PCDHGA3: variants seen among roughly 807,000 people sequenced by gnomAD.
PCDHGA3 encodes the protein protocadherin gamma-A3.
In PCDHGA3, 40 loss-of-function variants were observed where a neutral mutation model predicts 58.5. The observed-to-expected ratio is 0.68, with a 90% confidence interval of 0.53 to 0.89. PCDHGA3 has a LOEUF of 0.89. Ranked by LOEUF, PCDHGA3 falls within the 40% of genes least tolerant of loss-of-function variation. The pLI, the probability that PCDHGA3 is intolerant of heterozygous loss-of-function variation, is 0.00. For synonymous variants in PCDHGA3, 530 were observed against 525.7 expected (o/e 1.01, Z -0.11); for missense variants, 1,223 against 1,195.9 (o/e 1.02, Z -0.33).
chr5:141,376,168 G>A (rs757765992), intron 1 of PCDHGA3: 64 of 1,613,990 alleles, frequency 4.0e-5, no homozygotes, highest in East Asian at 2.2e-4. Flanking sequence ...ACCTGGTGGT[G>A]GCGGTGGCCG....
chr5:141,422,883 C>A, intron 1 of PCDHGA3: 1 of 1,614,242 alleles, frequency 6.2e-7, no homozygotes, highest in Non-Finnish European at 8.5e-7. Flanking sequence ...TGAGCCTGTT[C>A]GTGCTGGACC....
chr5:141,400,493 A>G, intron 1 of PCDHGA3: 2 of 1,614,014 alleles, frequency 1.2e-6, no homozygotes, highest in South Asian at 2.2e-5. Flanking sequence ...CCACTTTGTA[A>G]TTCCAGCGAG....
chr5:141,388,289 A>T (rs1463991755), intron 1 of PCDHGA3: 14 of 1,613,522 alleles, frequency 8.7e-6, no homozygotes, highest in Non-Finnish European at 1.2e-5. Flanking sequence ...AATTCACGCA[A>T]AATTCCTTTG....
chr5:141,392,658 C>T, intron 1 of PCDHGA3: 1 of 778,114 alleles, frequency 1.3e-6, no homozygotes, highest in Non-Finnish European at 1.9e-6. Context: ...CCGCAGATGC[C>T]ACAAACTAAC....
rs768882594 is a variant in PCDHGA3, at chr5:141,360,320, C to T, written c.2424+13863C>T. Reference sequence around the variant, plus strand: ...CTGGGGCTCAGCGTCCGGGACTTGCCAGCCCGGAAGCTGCGGGTTAGCGCG... The same window carrying T: ...CTGGGGCTCAGCGTCCGGGACTTGCTAGCCCGGAAGCTGCGGGTTAGCGCG... On this transcript the variant is annotated intron_variant, in intron 1 of 3. Transcript: ENST00000253812. The T allele has an allele frequency of 1.1e-5, 18 of 1,613,930 alleles. No individual in the cohort carries two copies. Among genetic ancestry groups the T allele is most frequent in the Admixed American group, 6.7e-5 (4 of 60,022 alleles).
Position 141,486,344 on chromosome 5 carries a change from G to C in PCDHGA3, c.2425-8463G>C. 6.2e-7 allele frequency: 1 copy of C among 1,614,062 alleles called. No homozygotes were observed. The highest frequency in any genetic ancestry group is 8.5e-7 in the Non-Finnish European group (1 of 1,180,022). On this transcript the variant is annotated intron_variant, in intron 1 of 3. Transcript: ENST00000253812. The surrounding 1 kb of genome is among the most constrained non-coding windows in gnomAD (Gnocchi z 5.0). Reference sequence around the variant, plus strand: ...CGGAGATGTGAGCCTCCGCATTCCTGACCACTTGCCATTTGCCCTCAAGTC... The same window carrying C: ...CGGAGATGTGAGCCTCCGCATTCCTCACCACTTGCCATTTGCCCTCAAGTC...
At chr5:141,356,895 C>T in intron 1 of PCDHGA3, 1 of 1,614,228 alleles carries the variant, frequency 6.2e-7, no homozygotes. Context: ...TCCTGTACCC[C>T]ACCTTCCCTA....
At chr5:141,459,710 C>T (rs2098973565) in intron 1 of PCDHGA3, among the ~76,000 whole-genome samples, 1 of 152,204 alleles carries the variant, frequency 6.6e-6, no homozygotes, top group Non-Finnish European at 1.5e-5. Flanking sequence ...CATTTTCTCA[C>T]CAATGCTTCC....
chr5:141,371,352 G>C lies in PCDHGA3; in HGVS notation c.2424+24895G>C, dbSNP rs1005607515. ...GAGAGATAGCTACACAATTGGGGTG[G>C]AAGCAAAGGATGGTGGACATCACAC... On this transcript the variant is annotated intron_variant, in intron 1 of 3. Coordinates refer to ENST00000253812, the MANE Select transcript of PCDHGA3 (RefSeq NM_018916.4). 1.9e-6 allele frequency: 3 copies of C among 1,613,840 alleles called. No individual in the cohort carries two copies. In the African/African-American group the frequency reaches 4.0e-5, roughly 22 times the overall value.
rs1421246315 is a variant in PCDHGA3 at position 141,491,880 on chromosome 5, G to A, written c.2425-2927G>A. The A allele has an allele frequency of 1.1e-5, 16 of 1,449,714 alleles. No homozygotes were observed. The highest frequency in any genetic ancestry group is 1.5e-5 in the Non-Finnish European group (16 of 1,096,892). 89.8% of individuals were successfully genotyped at this position (1,449,714 alleles called of 1,614,324 possible). A position where few individuals can be genotyped will look rare whatever the true frequency, so the allele number is the denominator to read the frequency against. ...GCGAAACCAGAGTGGCCGATTAAGGGATGGGGCTCCGAGCACCGGGGGTGG... is the reference window on the plus strand; with the variant it reads ...GCGAAACCAGAGTGGCCGATTAAGGAATGGGGCTCCGAGCACCGGGGGTGG... On this transcript the variant is annotated intron_variant, in intron 1 of 3. Coordinates refer to ENST00000253812, the MANE Select transcript of PCDHGA3 (RefSeq NM_018916.4). The surrounding 1 kb of genome is among the most constrained non-coding windows in gnomAD (Gnocchi z 6.9).
intron 1 of PCDHGA3, chr5:141,390,312 C>A: frequency 1.2e-6 from 2 of 1,612,028 alleles, no homozygotes; most frequent in South Asian, 2.2e-5. Flanking sequence ...ATTTAATGCT[C>A]ATTGCCTACC....
chr5:141,479,574 T>A (rs1291334449), intron 1 of PCDHGA3: 1 of 152,228 alleles, frequency 6.6e-6, no homozygotes, highest in South Asian at 2.1e-4. Context: ...GGATGACATC[T>A]GTGAATAGCC....
chr5:141,390,053 C>G, intron 1 of PCDHGA3: 1 of 1,614,066 alleles, frequency 6.2e-7, no homozygotes, highest in Non-Finnish European at 8.5e-7. Context: ...CCTCCTGGAG[C>G]TGCTTCCAGC....
intron 2 of PCDHGA3, among the ~76,000 whole-genome samples, chr5:141,497,614 A>C (rs1377740795): frequency 6.8e-6 from 1 of 146,530 alleles, no homozygotes; most frequent in African/African-American, 2.6e-5. Context: ...ATCTTGGCTC[A>C]CTGCAACCTC....
intron 1 of PCDHGA3, among the ~76,000 whole-genome samples, chr5:141,446,610 G>A (rs1167777615): frequency 6.6e-6 from 1 of 152,098 alleles, no homozygotes; most frequent in Non-Finnish European, 1.5e-5. Flanking sequence ...CTGAGTAGCT[G>A]GGACTACAGG....
chr5:141,370,186 G>A (rs1032273618), intron 1 of PCDHGA3: 2 of 508,450 alleles, frequency 3.9e-6, no homozygotes, highest in Non-Finnish European at 6.8e-6. Flanking sequence ...GCCGCTCTTG[G>A]CTAGTGCTGT....
chr5:141,422,809 G>A (rs1169197801), intron 1 of PCDHGA3: 8 of 1,614,232 alleles, frequency 5.0e-6, no homozygotes, highest in Non-Finnish European at 6.8e-6. Context: ...GCAGTTTCGA[G>A]ACTTAGAACT....
intron 1 of PCDHGA3, chr5:141,365,857 T>C: frequency 1.2e-6 from 2 of 1,614,066 alleles, no homozygotes; most frequent in Non-Finnish European, 1.7e-6. Context: ...CCATTAACTC[T>C]GACACCGGTG....
chr5:141,450,991 A>AT (rs1351194705), intron 1 of PCDHGA3, among the ~76,000 whole-genome samples: 1 of 150,700 alleles, frequency 6.6e-6, no homozygotes. Context: ...CACCCGGCTA[A>AT]TTTTTTTGTA....
Sources: allele counts gnomAD v4.1 joint callset (sites outside exome capture counted in the v4.1 genomes callset), GRCh38; gene constraint gnomAD v4.1.1; non-coding constraint Gnocchi (gnomAD v3.1); transcripts MANE v1.5; gene names NCBI Gene and HGNC (gene_info 2026-07-23, HGNC 2026-07-21).